The following NCOA2 variants were observed in gnomAD, a reference collection of about 807,000 sequenced individuals.
NCOA2 encodes nuclear receptor coactivator 2.
A neutral mutation model predicts 145.1 loss-of-function variants in NCOA2; 21 were observed. The ratio of observed to expected loss-of-function variants is 0.14; its 90% CI spans 0.10 to 0.21. The LOEUF (loss-of-function observed/expected upper bound fraction) is 0.21, where lower values mean the gene tolerates loss of function less well. Among genes scored for constraint, NCOA2 ranks in the 10% least tolerant of loss-of-function variants. The pLI, the probability that NCOA2 is intolerant of heterozygous loss-of-function variation, is 1.00. For missense variants in NCOA2, 1,472 were observed against 1,837.6 expected (o/e 0.80, Z 3.64); for synonymous variants, 619 against 637.5 (o/e 0.97, Z 0.44).
chr8:70,113,047 T>C lies in NCOA2; in HGVS notation c.*585A>G, dbSNP rs1046013. On this transcript the variant is annotated 3_prime_UTR_variant, in exon 23 of 23. Transcript: ENST00000452400. The stretch of plus-strand genomic sequence containing the variant: ...CTTTAGAGCTTTCTAGAGATACGAC[T>C]GTGACTTTGTTGGTCTTCACGCACT... 0.057 allele frequency: 11,447 copies of C among 200,172 alleles called. 423 individuals are homozygous for C. The highest frequency in any genetic ancestry group is 0.12 in the East Asian group (1,539 of 12,974). 12.4% of individuals were successfully genotyped at this position (200,172 alleles called of 1,614,324 possible).
chr8:70,183,870 A>T (rs1815756421), intron 4 of NCOA2, among the ~76,000 whole-genome samples: 1 of 152,152 alleles, frequency 6.6e-6, no homozygotes, highest in Non-Finnish European at 1.5e-5. Context: ...GCTGCCTGGC[A>T]CATAGTGGGC....
intron 1 of NCOA2, among the ~76,000 whole-genome samples, chr8:70,392,834 T>C (rs957485149): frequency 6.6e-6 from 1 of 152,230 alleles, no homozygotes; most frequent in African/African-American, 2.4e-5. Flanking sequence ...AAATGTCCAA[T>C]TTTACTGAAG....
intron 19 of NCOA2, among the ~76,000 whole-genome samples, chr8:70,126,260 A>C (rs1035730142): frequency 1.8e-4 from 27 of 152,220 alleles, no homozygotes; most frequent in African/African-American, 6.0e-4. Context: ...GACATTAAAC[A>C]ACAAATCAAT....
intron 15 of NCOA2, among the ~76,000 whole-genome samples, chr8:70,133,424 T>C (rs549675605): frequency 5.9e-5 from 9 of 152,052 alleles, no homozygotes; most frequent in Middle Eastern, 3.4e-3. Flanking sequence ...AGGGTCTTGC[T>C]ACATTGCCCA....
intron 4 of NCOA2, among the ~76,000 whole-genome samples, chr8:70,204,200 G>A (rs1318722471): frequency 1.3e-5 from 2 of 151,972 alleles, no homozygotes; most frequent in Non-Finnish European, 2.9e-5. Context: ...TAGAGACGGG[G>A]TTTCACCATG....
intron 1 of NCOA2, among the ~76,000 whole-genome samples, chr8:70,340,776 T>C (rs1468061301): frequency 1.3e-5 from 2 of 152,118 alleles, no homozygotes; most frequent in East Asian, 1.9e-4. Context: ...TCATATCCTT[T>C]GCAGGGACAT....
At chr8:70,422,583 G>A in the NCOA2 span, among the ~76,000 whole-genome samples, 3 of 151,854 alleles carry the variant, frequency 2.0e-5, no homozygotes, top group South Asian at 2.1e-4. Context: ...GCTAATTTTC[G>A]TGTTTTTGGT....
chr8:70,413,817 GCCC>G, the NCOA2 span, among the ~76,000 whole-genome samples: 1 of 152,004 alleles, frequency 6.6e-6, no homozygotes, highest in African/African-American at 2.4e-5. Context: ...AAATGCCTCG[GCCC>G]CTGGGTTGTT....
rs1426003455 is a variant in NCOA2 at position 70,291,945 on chromosome 8, G to A, written c.-20+4799C>T. Among the ~76,000 whole-genome samples the A allele has an allele frequency of 5.3e-5, 8 of 151,870 alleles. No homozygotes were observed. The South Asian group carries it at 6.2e-4, about 12-fold the overall frequency. On this transcript the variant is annotated intron_variant, in intron 2 of 22. Coordinates refer to ENST00000452400, the MANE Select transcript of NCOA2 (RefSeq NM_006540.4). ...AAACCCCGTAGCCGGGTGCGGTGGC[G>A]GGCGCCTGTAGTCCCAGCTACTCGG...
chr8:70,137,703 G>A (rs1044022079), intron 15 of NCOA2, among the ~76,000 whole-genome samples: 4 of 152,318 alleles, frequency 2.6e-5, no homozygotes, highest in East Asian at 1.9e-4. Flanking sequence ...CACAGTGTGC[G>A]CCTACCACTG....
intron 15 of NCOA2, 77 bp from the exon 16 acceptor site, chr8:70,132,079 G>C: frequency 9.1e-6 from 13 of 1,430,586 alleles, no homozygotes; most frequent in Non-Finnish European, 1.0e-5. Context: ...TCTCAAAGGT[G>C]AAAGTATCAA....
At chr8:70,438,195 A>G in the NCOA2 span, among the ~76,000 whole-genome samples, 2 of 152,246 alleles carry the variant, frequency 1.3e-5, no homozygotes, top group Non-Finnish European at 2.9e-5. Flanking sequence ...AAAAATCACA[A>G]TTACAATAGT....
intron 2 of NCOA2, among the ~76,000 whole-genome samples, chr8:70,250,552 G>A (rs375764643): frequency 3.9e-5 from 6 of 152,120 alleles, no homozygotes; most frequent in African/African-American, 9.6e-5. Context: ...CCTGGGCATC[G>A]GCGAGACCCC....
chr8:70,360,317 G>A (rs921015544), intron 1 of NCOA2, among the ~76,000 whole-genome samples: 1 of 152,086 alleles, frequency 6.6e-6, no homozygotes, highest in Non-Finnish European at 1.5e-5. Context: ...TATTTTTCTG[G>A]TACATTTTAA....
the NCOA2 span, among the ~76,000 whole-genome samples, chr8:70,447,217 A>G: frequency 6.6e-6 from 1 of 152,194 alleles, no homozygotes; most frequent in South Asian, 2.1e-4. Flanking sequence ...AGAGCATTCC[A>G]AACTCTTTCC....
chr8:70,447,346 TG>T, the NCOA2 span, among the ~76,000 whole-genome samples: 64 of 152,298 alleles, frequency 4.2e-4, 1 homozygote, highest in African/African-American at 1.5e-3. Flanking sequence ...TTGGCTGCTT[TG>T]GGGCAAGCCA....
At chr8:70,212,659 G>A (rs1407671822) in intron 4 of NCOA2, among the ~76,000 whole-genome samples, 2 of 152,168 alleles carry the variant, frequency 1.3e-5, no homozygotes, top group African/African-American at 4.8e-5. Flanking sequence ...ATTTGTGACA[G>A]ATAAGAGCAG....
intron 11 of NCOA2, among the ~76,000 whole-genome samples, chr8:70,149,200 T>C (rs796923854): frequency 2.0e-5 from 3 of 152,208 alleles, no homozygotes; most frequent in African/African-American, 7.2e-5. Context: ...CATAGCACTA[T>C]TAACCTAATT....
intron 4 of NCOA2, among the ~76,000 whole-genome samples, chr8:70,213,449 G>A (rs1819264231): frequency 6.6e-6 from 1 of 152,202 alleles, no homozygotes; most frequent in African/African-American, 2.4e-5. Context: ...TTCAGGATAT[G>A]AAATTCTAAT....
Sources: allele counts gnomAD v4.1 joint callset (sites outside exome capture counted in the v4.1 genomes callset), GRCh38; gene constraint gnomAD v4.1.1; transcripts MANE v1.5; gene names NCBI Gene and HGNC (gene_info 2026-07-23, HGNC 2026-07-21).